ITLN1: variants seen among roughly 807,000 people sequenced by gnomAD.
ITLN1 encodes the protein intelectin-1.
In ITLN1, 29 loss-of-function variants were observed where a neutral mutation model predicts 36.2. The ratio of observed to expected loss-of-function variants is 0.80; its 90% confidence interval spans 0.60 to 1.09. The LOEUF (loss-of-function observed/expected upper bound fraction) is 1.09, where lower values mean the gene tolerates loss of function less well. Among genes scored for constraint, ITLN1 ranks in the 50% least tolerant of loss-of-function variants. The pLI is 0.00. For missense variants in ITLN1, 358 were observed against 405.2 expected, an observed-to-expected ratio of 0.88 and a Z score of 1.00; for synonymous variants, 143 against 146.5, an observed-to-expected ratio of 0.98 and a Z score of 0.17.
intron 2 of ITLN1, 66 bp downstream of exon 2, chr1:160,884,754 G>C: frequency 9.0e-7 from 1 of 1,111,248 alleles, no homozygotes; most frequent in Non-Finnish European, 1.4e-6. Flanking sequence ...TCTGTGTCCT[G>C]GGAGAGACCA....
In ITLN1 at chr1:160,882,171, A is replaced by C. The variant is rs1162022822; in HGVS notation, c.191T>G (p.Val64Gly). The C allele has an allele frequency of 6.2e-6, 10 of 1,601,364 alleles. No individual in the cohort carries two copies. Among genetic ancestry groups the C allele is most frequent in the Non-Finnish European group, 7.7e-6 (9 of 1,172,708 alleles). ...GLYFLRTENG[V>G]IYQTFCDMTS... Reference sequence around the variant, plus strand: ...CATGTCACAGAAGGTCTGGTAGATAACACCATTCTCAGTGCGGAGAAAATA... The same window carrying C: ...CATGTCACAGAAGGTCTGGTAGATACCACCATTCTCAGTGCGGAGAAAATA... Residue 64 changes from valine (V) to glycine (G), a missense_variant, in exon 4 of 8, where the codon GTT (valine) becomes GGT (glycine). Physicochemically the swap from Val to Gly is moderately radical, Grantham distance 109. Coordinates refer to ENST00000326245, the MANE Select transcript of ITLN1 (RefSeq NM_017625.3).
At chr1:160,879,449 A>G in intron 6 of ITLN1, 35 bp from the exon 7 acceptor site, 1 of 1,569,234 alleles carries the variant, frequency 6.4e-7, no homozygotes, top group Non-Finnish European at 8.8e-7. Flanking sequence ...CATTCAAGGA[A>G]GATGCTAGAA....
Position 160,885,051 on chromosome 1 carries a change from A to G in ITLN1, c.-7+10T>C, listed in dbSNP as rs1475068953. 4.3e-5 allele frequency: 24 copies of G among 554,160 alleles called. No homozygotes were observed. Among genetic ancestry groups the G allele is most frequent in the Non-Finnish European group, 2.0e-5 (6 of 305,746 alleles). 34.3% of individuals were successfully genotyped at this position (554,160 alleles called of 1,614,324 possible). ...CTAAGCTGAAAACAGGATTCCCCCA[A>G]CTCACAGACCTTGTCTGAGTCTCAG... On this transcript the variant is annotated intron_variant, in intron 1 of 7. Transcript: ENST00000326245.
At chr1:160,879,206 C>T (rs1229390644) in intron 7 of ITLN1, 105 bp downstream of exon 7, 10 of 844,566 alleles carry the variant, frequency 1.2e-5, no homozygotes, top group Non-Finnish European at 1.8e-5. Context: ...CACACACGTA[C>T]ACACACACCC....
chr1:160,878,385 CTTT>C (rs36015074), intron 7 of ITLN1, among the ~76,000 whole-genome samples: 3 of 140,504 alleles, frequency 2.1e-5, no homozygotes, highest in Admixed American at 7.1e-5. Flanking sequence ...CTTTTTCTTT[CTTT>C]TTTTTTTTTT....
At chr1:160,884,945 AC>A in intron 1 of ITLN1, 62 bp from the exon 2 acceptor site, 1 of 1,062,266 alleles carries the variant, frequency 9.4e-7, no homozygotes. Flanking sequence ...TCCCTGCCCC[AC>A]CCCTGTCCAG....
chr1:160,878,306 G>A (rs532262583), intron 7 of ITLN1, among the ~76,000 whole-genome samples: 4 of 152,010 alleles, frequency 2.6e-5, no homozygotes, highest in Non-Finnish European at 2.9e-5. Flanking sequence ...CTATACTTAC[G>A]GTACAGCCTG....
At chr1:160,883,333 T>G in intron 3 of ITLN1, 95 bp downstream of exon 3, 3 of 791,842 alleles carry the variant, frequency 3.8e-6, no homozygotes, top group Non-Finnish European at 6.4e-6. Flanking sequence ...ATACATATAC[T>G]TTACCATAAT....
In ITLN1 at chr1:160,885,047, C is replaced by G; in HGVS notation, c.-7+14G>C. 1 of 563,394 alleles carries G rather than the reference C, an allele frequency of 1.8e-6. No individual in the cohort carries two copies. Among genetic ancestry groups the G allele is most frequent in the Middle Eastern group, 2.7e-4 (1 of 3,690 alleles). The allele number at this position is 563,394 out of a possible 1,614,324, so 34.9% of individuals were successfully genotyped here. Reference sequence around the variant, plus strand: ...AGACCTAAGCTGAAAACAGGATTCCCCCAACTCACAGACCTTGTCTGAGTC... The same window carrying G: ...AGACCTAAGCTGAAAACAGGATTCCGCCAACTCACAGACCTTGTCTGAGTC... On this transcript the variant is annotated intron_variant, in intron 1 of 7. Transcript: ENST00000326245.
At chr1:160,883,403 T>C (rs752539022) in intron 3 of ITLN1, 25 bp downstream of exon 3, 1 of 1,512,890 alleles carries the variant, frequency 6.6e-7, no homozygotes, top group Admixed American at 1.7e-5. Flanking sequence ...CTGACTGAGC[T>C]CTGTTTGAAT....
At position 160,879,402 on chromosome 1, in the gene ITLN1, G is replaced by T. The variant is rs369419342; in HGVS notation, c.698C>A (p.Ala233Glu). Reference protein sequence around the residue: ...YSPYGQREFTAGFVQFRVFNN... With the variant: ...YSPYGQREFTEGFVQFRVFNN... ...AAATACCCTGAACTGAACAAATCCC[G>T]CAGTGAATTCCCCTGAAAACAAGAG... is the stretch of plus-strand genomic sequence containing the variant. Residue 233 changes from alanine (A) to glutamate (E), a missense_variant, in exon 7 of 8, where the codon GCG becomes GAG. Coordinates refer to ENST00000326245, the MANE Select transcript of ITLN1 (RefSeq NM_017625.3). 2.5e-6 allele frequency: 4 copies of T among 1,613,544 alleles called. No individual in the cohort carries two copies. The highest frequency in any genetic ancestry group is 1.3e-5 in the African/African-American group (1 of 74,906).
At chr1:160,876,966 C>T in intron 7 of ITLN1, 150 bp from the exon 8 acceptor site, 1 of 840,440 alleles carries the variant, frequency 1.2e-6, no homozygotes, top group Non-Finnish European at 1.8e-6. Context: ...ACCTCTCTTC[C>T]TTGGCTCACA....
chr1:160,883,984 G>A (rs183366649), intron 2 of ITLN1, among the ~76,000 whole-genome samples: 213 of 152,304 alleles, frequency 1.4e-3, no homozygotes, highest in African/African-American at 5.0e-3. Context: ...GACAGTAAGC[G>A]GGGCAGTTGC....
chr1:160,879,233 A>T (rs540196559), intron 7 of ITLN1, 78 bp downstream of exon 7: 1 of 1,009,634 alleles, frequency 9.9e-7, no homozygotes, highest in East Asian at 2.4e-5. Context: ...TACCACACTC[A>T]ACACACTCAC....
intron 3 of ITLN1, among the ~76,000 whole-genome samples, chr1:160,883,146 G>A (rs545077401): frequency 6.6e-6 from 1 of 152,216 alleles, no homozygotes; most frequent in South Asian, 2.1e-4. Context: ...GGGATTACAG[G>A]CCTGAGCCAC....
In ITLN1 at chr1:160,882,163, G is replaced by A; in HGVS notation, c.199C>T (p.Gln67Ter). 6.2e-7 allele frequency: 1 copy of A among 1,606,720 alleles called. No individual in the cohort carries two copies. The change falls in exon 4 of 8, where the codon CAG becomes TAG. Residue 67 changes from glutamine (Q) to a stop codon, truncating the protein, a stop_gained. Coordinates refer to ENST00000326245, the MANE Select transcript of ITLN1 (RefSeq NM_017625.3). LOFTEE classifies it high-confidence loss of function. ...FLRTENGVIYQTFCDMTSGGG... is the reference protein window; with the variant it reads ...FLRTENGVIY ...CCAGAGGTCATGTCACAGAAGGTCT[G>A]GTAGATAACACCATTCTCAGTGCGG...
chr1:160,884,921 C>G (rs1365153434), intron 1 of ITLN1, 38 bp from the exon 2 acceptor site: 3 of 1,431,710 alleles, frequency 2.1e-6, no homozygotes, highest in Middle Eastern at 1.7e-4. Flanking sequence ...TCTTGGCCAT[C>G]ATTTTTCTCT....
intron 3 of ITLN1, among the ~76,000 whole-genome samples, chr1:160,883,188 G>A (rs1359937364): frequency 6.6e-6 from 1 of 152,122 alleles, no homozygotes; most frequent in Non-Finnish European, 1.5e-5. Flanking sequence ...ATTAAGTACA[G>A]AGTTTCTGTT....
chr1:160,878,310 C>T (rs552704555), intron 7 of ITLN1, among the ~76,000 whole-genome samples: 121 of 152,192 alleles, frequency 8.0e-4, no homozygotes, highest in Non-Finnish European at 1.5e-3. Flanking sequence ...ACTTACGGTA[C>T]AGCCTGCAGA....
Sources: allele counts gnomAD v4.1 joint callset (sites outside exome capture counted in the v4.1 genomes callset), GRCh38; gene constraint gnomAD v4.1.1; transcripts MANE v1.5; gene names NCBI Gene and HGNC (gene_info 2026-07-23, HGNC 2026-07-21).